COL13A1: variants seen among roughly 807,000 people sequenced by gnomAD.
COL13A1 encodes collagen type XIII alpha 1 chain.
In COL13A1, 89 loss-of-function variants were observed where a neutral mutation model predicts 130.9. The ratio of observed to expected loss-of-function variants is 0.68; its 90% confidence interval spans 0.57 to 0.81. The LOEUF is 0.81. Ranked by LOEUF, COL13A1 falls within the 30% of genes least tolerant of loss-of-function variation. The pLI, the probability that COL13A1 is intolerant of heterozygous loss-of-function variation, is 0.00. For missense variants in COL13A1, 879 were observed against 934.6 expected, an observed-to-expected ratio of 0.94 and a Z score of 0.78; for synonymous variants, 402 against 341.6, an observed-to-expected ratio of 1.18 and a Z score of -1.95.
At chr10:69,911,402 T>C (rs913956540) in intron 17 of COL13A1, among the ~76,000 whole-genome samples, 5 of 152,170 alleles carry the variant, frequency 3.3e-5, no homozygotes, top group Non-Finnish European at 7.3e-5. Flanking sequence ...CCCTGTGAGG[T>C]AGGTTTTACT....
At chr10:69,939,136 A>T (rs2067303075) in intron 34 of COL13A1, among the ~76,000 whole-genome samples, 1 of 152,220 alleles carries the variant, frequency 6.6e-6, no homozygotes, top group African/African-American at 2.4e-5. Context: ...TAAGTAAACA[A>T]CAGAACAAGC....
At position 69,902,812 on chromosome 10, in the gene COL13A1, G is replaced by A; in HGVS notation, c.815G>A (p.Gly272Glu). ...CCCCCAGGCCCCCCTGGACCAAGTG[G>A]ACCTCTGGGGCACCCAGGACTGCCA... ...PGPPGPPGPS[G>E]PLGHPGLPGP... Residue 272 changes from glycine (G) to glutamate (E), a missense_variant, in exon 15 of 41, where the codon GGA becomes GAA. Gly to Glu is a moderately conservative substitution (Grantham distance 98). Coordinates refer to ENST00000645393, the MANE Select transcript of COL13A1 (RefSeq NM_001368882.1). 6.5e-7 allele frequency: 1 copy of A among 1,549,638 alleles called. No individual in the cohort carries two copies. Among genetic ancestry groups the A allele is most frequent in the South Asian group, 1.2e-5 (1 of 83,558 alleles).
intron 20 of COL13A1, 64 bp downstream of exon 20, chr10:69,919,152 G>C: frequency 6.2e-7 from 1 of 1,604,244 alleles, no homozygotes; most frequent in Non-Finnish European, 8.5e-7. Flanking sequence ...AGGTGGGAGG[G>C]GCTGCTGCTG....
At chr10:69,882,937 A>G (rs550479036) in intron 7 of COL13A1, among the ~76,000 whole-genome samples, 12 of 152,270 alleles carry the variant, frequency 7.9e-5, no homozygotes, top group African/African-American at 2.9e-4. Context: ...GGGGAAGACA[A>G]AGGGTCCATT....
chr10:69,930,075 C>T lies in COL13A1; in HGVS notation c.1518C>T (p.His506=), dbSNP rs768223191. ...GEIGLPGPPG[H]DGEKGPRGKP... ...TTGGACTGCCAGGCCCTCCAGGACACGATGGGGAAAAGGTATGAACAGACG... is the reference window on the plus strand; with the variant it reads ...TTGGACTGCCAGGCCCTCCAGGACATGATGGGGAAAAGGTATGAACAGACG... Residue 506 remains histidine, a synonymous_variant, in exon 29 of 41, where the codon CAC becomes CAT. Transcript: ENST00000645393. 240 of 1,613,658 alleles carry T rather than the reference C, an allele frequency of 1.5e-4. No homozygotes were observed. The highest frequency in any genetic ancestry group is 2.0e-4 in the Non-Finnish European group (232 of 1,179,800).
rs80300716 is a variant in COL13A1, at chr10:69,846,262, G to T, written c.365-21536G>T. Among the ~76,000 whole-genome samples, 940 of 152,266 alleles carry T rather than the reference G, an allele frequency of 6.2e-3. 13 individuals carry two copies. Among genetic ancestry groups the T allele is most frequent in the African/African-American group, 0.021 (882 of 41,534 alleles). On this transcript the variant is annotated intron_variant, in intron 2 of 40. Transcript: ENST00000645393. ...AAGACAGGGTCCTGGATGAAGAAGGGTCTGGTGGCACTGGAGGGGCTGGGG... is the reference window on the plus strand; with the variant it reads ...AAGACAGGGTCCTGGATGAAGAAGGTTCTGGTGGCACTGGAGGGGCTGGGG...
At chr10:69,919,622 T>TTATCA in intron 20 of COL13A1, 43 bp from the exon 21 acceptor site, 1 of 398,828 alleles carries the variant, frequency 2.5e-6, no homozygotes, top group Non-Finnish European at 4.4e-6. Context: ...CCTCACTGCC[T>TTATCA]GCCCCATCTT....
intron 33 of COL13A1, 100 bp from the exon 34 acceptor site, chr10:69,937,535 C>T (rs1163703628): frequency 3.0e-6 from 2 of 658,568 alleles, no homozygotes; most frequent in Non-Finnish European, 5.5e-6. Flanking sequence ...CCCCTCCTTC[C>T]TCTACAAATG....
chr10:69,852,768 G>A (rs1855272386), intron 2 of COL13A1, among the ~76,000 whole-genome samples: 1 of 152,272 alleles, frequency 6.6e-6, no homozygotes, highest in Non-Finnish European at 1.5e-5. Context: ...CCAGTGGGCT[G>A]GGAGGGGAGA....
At chr10:69,825,111 T>C (rs1262037043) in intron 2 of COL13A1, among the ~76,000 whole-genome samples, 1 of 152,208 alleles carries the variant, frequency 6.6e-6, no homozygotes, top group African/African-American at 2.4e-5. Flanking sequence ...TGTGTCCCAC[T>C]TGAGCACCTA....
chr10:69,888,912 G>C (rs996303784), intron 9 of COL13A1, among the ~76,000 whole-genome samples: 1 of 152,128 alleles, frequency 6.6e-6, no homozygotes, highest in Non-Finnish European at 1.5e-5. Flanking sequence ...AGCTGGAAGG[G>C]AGCATGACCC....
chr10:69,841,594 G>A (rs891422564), intron 2 of COL13A1, among the ~76,000 whole-genome samples: 1 of 152,186 alleles, frequency 6.6e-6, no homozygotes, highest in Non-Finnish European at 1.5e-5. Flanking sequence ...GGGTGAGCAA[G>A]ACATGACTTA....
At chr10:69,827,628 C>A (rs562698471) in intron 2 of COL13A1, among the ~76,000 whole-genome samples, 98 of 152,324 alleles carry the variant, frequency 6.4e-4, no homozygotes, top group African/African-American at 2.3e-3. Flanking sequence ...CAACAAGAGT[C>A]TGCGATCCTA....
intron 1 of COL13A1, among the ~76,000 whole-genome samples, chr10:69,815,912 TAAAAC>T (rs1844366195): frequency 6.7e-6 from 1 of 149,120 alleles, no homozygotes; most frequent in Non-Finnish European, 1.5e-5. Flanking sequence ...AAGGAGGAAA[TAAAAC>T]AAAGTGGTGT....
intron 10 of COL13A1, among the ~76,000 whole-genome samples, chr10:69,892,296 G>T (rs764106178): frequency 2.0e-5 from 3 of 152,156 alleles, no homozygotes; most frequent in Admixed American, 2.0e-4. Flanking sequence ...CTCCACTGGC[G>T]TCCCACTGGG....
At chr10:69,921,182 C>T (rs1228709465) in intron 21 of COL13A1, among the ~76,000 whole-genome samples, 2 of 152,172 alleles carry the variant, frequency 1.3e-5, no homozygotes, top group Non-Finnish European at 2.9e-5. Flanking sequence ...GCCTCTCTCC[C>T]GGCTTCTGGT....
chr10:69,835,486 G>T (rs1275621318), intron 2 of COL13A1, among the ~76,000 whole-genome samples: 1 of 152,088 alleles, frequency 6.6e-6, no homozygotes, highest in Non-Finnish European at 1.5e-5. Flanking sequence ...TTCCTGTTCA[G>T]CCACTAAGGC....
intron 2 of COL13A1, among the ~76,000 whole-genome samples, chr10:69,827,883 T>C (rs1288390603): frequency 6.6e-6 from 1 of 152,174 alleles, no homozygotes. Flanking sequence ...TTACCTCCCC[T>C]GTGCTGCAGC....
intron 2 of COL13A1, among the ~76,000 whole-genome samples, chr10:69,861,332 T>C (rs546094200): frequency 6.3e-4 from 96 of 152,238 alleles, no homozygotes; most frequent in African/African-American, 2.3e-3. Flanking sequence ...GGCAGTGGCA[T>C]AGCTAGTAGT....
Sources: gnomAD v4.1 joint callset for allele counts (sites outside exome capture counted in the v4.1 genomes callset) on GRCh38, gnomAD v4.1.1 for gene constraint, MANE v1.5 for transcripts, NCBI Gene and HGNC (gene_info 2026-07-23, HGNC 2026-07-21) for gene names.